Variants in NRXN3 observed in about 807,000 individuals in gnomAD.
NRXN3 encodes neurexin III.
NRXN3 carries 32 observed loss-of-function variants against 137.6 expected under a neutral mutation model. The ratio of observed to expected loss-of-function variants is 0.23; its 90% confidence interval spans 0.18 to 0.31. The LOEUF (loss-of-function observed/expected upper bound fraction) is 0.31, where lower values mean the gene tolerates loss of function less well. Among genes scored for constraint, NRXN3 ranks in the 10% least tolerant of loss-of-function variants. The probability of loss-of-function intolerance (pLI) is 1.00; values close to 1 mark genes in which losing one functional copy is unlikely to be tolerated. For synonymous variants in NRXN3, 798 were observed against 784.5 expected, an observed-to-expected ratio of 1.02 and a Z score of -0.29; for missense variants, 1,574 against 2,062.5, an observed-to-expected ratio of 0.76 and a Z score of 4.59.
chr14:79,348,659 A>T (rs548805214), intron 15 of NRXN3, among the ~76,000 whole-genome samples: 5 of 152,218 alleles, frequency 3.3e-5, no homozygotes, highest in Admixed American at 2.6e-4. Flanking sequence ...TTACAGGCGT[A>T]AGCCACCGCG....
At chr14:78,296,439 C>A (rs1037314262) in intron 3 of NRXN3, among the ~76,000 whole-genome samples, 1 of 152,128 alleles carries the variant, frequency 6.6e-6, no homozygotes, top group Non-Finnish European at 1.5e-5. Context: ...TTTTAAGAAC[C>A]TTTATTTCTA....
Position 79,563,769 on chromosome 14 carries a change from A to G in NRXN3, c.3444+96367A>G, listed in dbSNP as rs375455195. On this transcript the variant is annotated intron_variant, in intron 16 of 20. Coordinates refer to ENST00000335750, the MANE Select transcript of NRXN3 (RefSeq NM_001330195.2). ...GTTGCAGGGCTTGGTAATTGAATTC[A>G]GTTCTGCAACCTGAATACATTTCTA... 3.6e-4 allele frequency among the ~76,000 whole-genome samples: 55 copies of G among 152,064 alleles called. No individual in the cohort carries two copies. In the East Asian group the frequency reaches 8.5e-3, roughly 24 times the overall value.
chr14:78,922,393 T>C (rs2099273068), intron 10 of NRXN3, among the ~76,000 whole-genome samples: 1 of 152,210 alleles, frequency 6.6e-6, no homozygotes, highest in African/African-American at 2.4e-5. Context: ...TTATAGTTTC[T>C]AAAATATCTT....
intron 10 of NRXN3, among the ~76,000 whole-genome samples, chr14:78,814,310 A>G (rs959837080): frequency 6.6e-6 from 1 of 152,190 alleles, no homozygotes; most frequent in Non-Finnish European, 1.5e-5. Flanking sequence ...GGTGACCTGG[A>G]ACACTACTAA....
At chr14:79,179,990 T>G (rs948056088) in intron 15 of NRXN3, among the ~76,000 whole-genome samples, 2 of 152,212 alleles carry the variant, frequency 1.3e-5, no homozygotes, top group African/African-American at 4.8e-5. Context: ...GTGAGGTATT[T>G]AGTCCAAATA....
intron 8 of NRXN3, among the ~76,000 whole-genome samples, chr14:78,773,814 T>C (rs1463207023): frequency 6.6e-6 from 1 of 152,148 alleles, no homozygotes; most frequent in Non-Finnish European, 1.5e-5. Flanking sequence ...GTTTGTTTCT[T>C]TATTTTGAGA....
chr14:79,431,373 T>A (rs2153552978), intron 15 of NRXN3, among the ~76,000 whole-genome samples: 1 of 152,306 alleles, frequency 6.6e-6, no homozygotes, highest in African/African-American at 2.4e-5. Context: ...AAATCAAAAC[T>A]GTAGAATATA....
Position 78,410,250 on chromosome 14 carries a change from G to T in NRXN3, c.757+112390G>T, listed in dbSNP as rs1165007837. 2.0e-5 allele frequency among the ~76,000 whole-genome samples: 3 copies of T among 152,216 alleles called. No homozygotes were observed. In the East Asian group the frequency reaches 5.8e-4, roughly 29 times the overall value. ...ACCAGTAAGTCTCTGAGGAAATTCAGTTTACGCTGGAGAATGGTAGTGACA... is the reference window on the plus strand; with the variant it reads ...ACCAGTAAGTCTCTGAGGAAATTCATTTTACGCTGGAGAATGGTAGTGACA... On this transcript the variant is annotated intron_variant, in intron 4 of 20. Transcript: ENST00000335750.
At chr14:78,809,933 G>C (rs1251474442) in intron 9 of NRXN3, among the ~76,000 whole-genome samples, 1 of 151,784 alleles carries the variant, frequency 6.6e-6, no homozygotes, top group Non-Finnish European at 1.5e-5. Flanking sequence ...ATTTGGTGGG[G>C]GGAATTATTG....
chr14:78,195,567 G>A lies in NRXN3; in HGVS notation c.-704+24893G>A, dbSNP rs1483698442. Among the ~76,000 whole-genome samples the A allele has an allele frequency of 2.0e-5, 3 of 152,306 alleles. No homozygotes were observed. The East Asian group carries it at 5.8e-4, about 29-fold the overall frequency. Reference sequence around the variant, plus strand: ...GTGTGTGACTTTAGAGAGGTGCGGGGACAGCCCATCTGGGGAGATGACATC... The same window carrying A: ...GTGTGTGACTTTAGAGAGGTGCGGGAACAGCCCATCTGGGGAGATGACATC... On this transcript the variant is annotated intron_variant, in intron 1 of 20. Transcript: ENST00000335750.
intron 10 of NRXN3, among the ~76,000 whole-genome samples, chr14:78,918,155 C>G (rs1156281311): frequency 6.6e-6 from 1 of 151,276 alleles, no homozygotes; most frequent in Non-Finnish European, 1.5e-5. Context: ...CGTGGTGGCG[C>G]ATGCCCGTAA....
intron 15 of NRXN3, among the ~76,000 whole-genome samples, chr14:79,338,985 C>CT (rs2092442268): frequency 6.6e-6 from 1 of 152,140 alleles, no homozygotes; most frequent in Non-Finnish European, 1.5e-5. Flanking sequence ...GTTGGGCATT[C>CT]TGTAGGGCGA....
chr14:78,372,292 TC>T (rs2086986689), intron 4 of NRXN3, among the ~76,000 whole-genome samples: 1 of 133,100 alleles, frequency 7.5e-6, no homozygotes. Context: ...TCTTTTCTTT[TC>T]TTTTTTTTTT....
chr14:79,775,390 G>A (rs1266400391), intron 19 of NRXN3, among the ~76,000 whole-genome samples: 1 of 151,968 alleles, frequency 6.6e-6, no homozygotes, highest in East Asian at 1.9e-4. Context: ...AGGCATTACT[G>A]TTCGCAGTCA....
At chr14:78,184,153 T>C (rs2060039266) in intron 1 of NRXN3, among the ~76,000 whole-genome samples, 1 of 152,250 alleles carries the variant, frequency 6.6e-6, no homozygotes. Flanking sequence ...AGAATTTTGA[T>C]ATCTATCATT....
intron 1 of NRXN3, among the ~76,000 whole-genome samples, chr14:78,195,068 C>T (rs1423934806): frequency 1.3e-5 from 2 of 151,774 alleles, no homozygotes; most frequent in South Asian, 4.2e-4. Context: ...CCCCGACCCC[C>T]CACCCTTTTT....
intron 4 of NRXN3, among the ~76,000 whole-genome samples, chr14:78,429,604 C>G (rs1443496274): frequency 6.6e-6 from 1 of 152,158 alleles, no homozygotes; most frequent in Non-Finnish European, 1.5e-5. Context: ...ATGATCAGCA[C>G]CTGCTTTGGC....
intron 15 of NRXN3, among the ~76,000 whole-genome samples, chr14:79,016,141 A>G (rs2099578828): frequency 1.3e-5 from 2 of 152,166 alleles, no homozygotes; most frequent in Non-Finnish European, 2.9e-5. Flanking sequence ...GTGAAGTGGC[A>G]GGACCTGACA....
At chr14:78,615,482 G>T (rs2152483359) in intron 4 of NRXN3, among the ~76,000 whole-genome samples, 1 of 152,078 alleles carries the variant, frequency 6.6e-6, no homozygotes, top group South Asian at 2.1e-4. Context: ...GTGGTGGCGG[G>T]TGCCTGTAGT....
Sources: gnomAD v4.1 joint callset for allele counts (sites outside exome capture counted in the v4.1 genomes callset) on GRCh38, gnomAD v4.1.1 for gene constraint, MANE v1.5 for transcripts, NCBI Gene and HGNC (gene_info 2026-07-23, HGNC 2026-07-21) for gene names.